The following AMPH variants were observed in gnomAD, a reference collection of about 807,000 sequenced individuals.
AMPH encodes the protein amphiphysin.
A neutral mutation model predicts 99.1 loss-of-function variants in AMPH; 49 were observed. That is an observed-to-expected ratio of 0.49 (90% confidence interval 0.39 to 0.63). The LOEUF is 0.63. Among genes scored for constraint, AMPH ranks in the 20% least tolerant of loss-of-function variants. AMPH has a pLI of 0.00. For synonymous variants in AMPH, 314 were observed against 317.3 expected (o/e 0.99, Z 0.11); for missense variants, 759 against 863.4 (o/e 0.88, Z 1.52).
chr7:38,602,726 C>A (rs1584293524), intron 1 of AMPH, among the ~76,000 whole-genome samples: 1 of 152,306 alleles, frequency 6.6e-6, no homozygotes, highest in Non-Finnish European at 1.5e-5. Context: ...ATGTAGACAT[C>A]TTTGAGAGTA....
chr7:38,427,403 C>G (rs1290714992), intron 14 of AMPH, among the ~76,000 whole-genome samples: 1 of 152,098 alleles, frequency 6.6e-6, no homozygotes, highest in Non-Finnish European at 1.5e-5. Context: ...TTTCAGTGGG[C>G]CTGGGTTGAA....
intron 1 of AMPH, among the ~76,000 whole-genome samples, chr7:38,539,068 T>C (rs1790716132): frequency 6.6e-6 from 1 of 152,198 alleles, no homozygotes; most frequent in African/African-American, 2.4e-5. Context: ...AAAATCATTA[T>C]TTGAAGAACG....
chr7:38,532,707 A>G (rs2129039568), intron 2 of AMPH, among the ~76,000 whole-genome samples: 1 of 151,846 alleles, frequency 6.6e-6, no homozygotes, highest in Non-Finnish European at 1.5e-5. Context: ...TCAACAAAAA[A>G]CAATCCTCAC....
At chr7:38,530,111 C>A (rs3807398) in intron 2 of AMPH, among the ~76,000 whole-genome samples, 10 of 152,272 alleles carry the variant, frequency 6.6e-5, no homozygotes, top group Non-Finnish European at 1.3e-4. Flanking sequence ...GTGATAATTT[C>A]TGCCACTAGT....
intron 5 of AMPH, among the ~76,000 whole-genome samples, chr7:38,480,876 A>T (rs1391027393): frequency 6.6e-6 from 1 of 152,204 alleles, no homozygotes; most frequent in African/African-American, 2.4e-5. Context: ...AGCCTGGGGC[A>T]TTCCTTTAAT....
chr7:38,501,766 C>CAAAT (rs3056240), intron 3 of AMPH, among the ~76,000 whole-genome samples: 7,427 of 148,082 alleles, frequency 0.05, 229 homozygotes, highest in Admixed American at 0.067. Flanking sequence ...AAAAGCATAC[C>CAAAT]AAATAAATAA....
At chr7:38,492,507 T>C (rs932781462) in intron 4 of AMPH, among the ~76,000 whole-genome samples, 1 of 152,236 alleles carries the variant, frequency 6.6e-6, no homozygotes, top group African/African-American at 2.4e-5. Flanking sequence ...AAATTTGCTT[T>C]TGTTTCTTTC....
At chr7:38,491,561 G>A (rs141327627) in intron 4 of AMPH, among the ~76,000 whole-genome samples, 17 of 152,186 alleles carry the variant, frequency 1.1e-4, no homozygotes, top group Admixed American at 6.5e-4. Context: ...GCCTCCCCAG[G>A]GAAAACAGAA....
At chr7:38,430,916 G>C (rs1257520085) in intron 13 of AMPH, among the ~76,000 whole-genome samples, 1 of 152,206 alleles carries the variant, frequency 6.6e-6, no homozygotes, top group African/African-American at 2.4e-5. Flanking sequence ...AAAGAAAGTG[G>C]CAATGTCAAT....
Position 38,475,404 on chromosome 7 carries a change from A to G in AMPH, c.517T>C (p.Phe173Leu), listed in dbSNP as rs747190388. Residue 173 changes from phenylalanine to leucine, a missense_variant, in exon 7 of 21, where the codon TTT (phenylalanine) becomes CTT (leucine). Phe to Leu is a conservative substitution (Grantham distance 22, BLOSUM62 0). Around this residue, in one of 2 missense-constraint regions of AMPH, gnomAD observed 205 missense variants for 287.9 expected, o/e 0.71. Transcript: ENST00000356264. ...ESRISKAEEE[F>L]QKAQKVFEEF... The stretch of plus-strand genomic sequence containing the variant: ...TCAAACACTTTCTGTGCTTTCTGAA[A>G]TTCTTCTTCTGCCTAGGAATGAAAC... The G allele has an allele frequency of 1.9e-6, 3 of 1,612,158 alleles. No individual in the cohort carries two copies. Among genetic ancestry groups the G allele is most frequent in the Non-Finnish European group, 2.5e-6 (3 of 1,178,910 alleles).
intron 2 of AMPH, among the ~76,000 whole-genome samples, chr7:38,522,165 A>C (rs983679161): frequency 6.6e-6 from 1 of 152,178 alleles, no homozygotes; most frequent in African/African-American, 2.4e-5. Context: ...ATGCAACCAA[A>C]CCATACATTT....
At chr7:38,482,074 C>T (rs142437934) in intron 5 of AMPH, among the ~76,000 whole-genome samples, 11 of 152,176 alleles carry the variant, frequency 7.2e-5, no homozygotes, top group Non-Finnish European at 1.5e-4. Flanking sequence ...TTTCCAATTC[C>T]AAATTATCTC....
intron 17 of AMPH, among the ~76,000 whole-genome samples, chr7:38,412,253 A>C (rs1000720911): frequency 9.2e-5 from 14 of 152,350 alleles, no homozygotes; most frequent in Non-Finnish European, 1.2e-4. Flanking sequence ...ACCTCAGAAG[A>C]AAAGTACATG....
intron 13 of AMPH, among the ~76,000 whole-genome samples, chr7:38,431,789 CT>C (rs1228715927): frequency 6.6e-6 from 1 of 151,894 alleles, no homozygotes; most frequent in East Asian, 1.9e-4. Context: ...AATACAATCA[CT>C]TTTTTTTAAA....
Position 38,547,548 on chromosome 7 carries a change from G to T in AMPH, c.70-12537C>A, listed in dbSNP as rs151162219. Among the ~76,000 whole-genome samples the T allele has an allele frequency of 2.0e-4, 30 of 152,308 alleles. No individual in the cohort carries two copies. In the East Asian group the frequency reaches 5.4e-3, roughly 27 times the overall value. ...AAGGATAATTATTAAAAAGTGTTTA[G>T]TAGGATGTGTTCAGCTGTGAACCCA... On this transcript the variant is annotated intron_variant, in intron 1 of 20. Transcript: ENST00000356264.
chr7:38,600,697 C>T (rs780587772), intron 1 of AMPH, among the ~76,000 whole-genome samples: 10 of 152,092 alleles, frequency 6.6e-5, no homozygotes, highest in South Asian at 2.1e-4. Context: ...ATCCTTGCAC[C>T]GAAGAGACAA....
At chr7:38,527,803 C>T (rs947677347) in intron 2 of AMPH, among the ~76,000 whole-genome samples, 1 of 152,130 alleles carries the variant, frequency 6.6e-6, no homozygotes, top group African/African-American at 2.4e-5. Flanking sequence ...GAATGGACAT[C>T]CTTGCCTTGT....
intron 2 of AMPH, among the ~76,000 whole-genome samples, chr7:38,514,415 T>G (rs2129031665): frequency 6.6e-6 from 1 of 152,310 alleles, no homozygotes; most frequent in Middle Eastern, 3.4e-3. Flanking sequence ...AATAAGATGG[T>G]TTTCAACATT....
intron 18 of AMPH, chr7:38,392,714 G>A (rs1209821694): frequency 6.5e-6 from 1 of 152,722 alleles, no homozygotes; most frequent in Non-Finnish European, 1.5e-5. Context: ...TTGTCCCACG[G>A]AACCCTAACT....
Sources: allele counts gnomAD v4.1 joint callset (sites outside exome capture counted in the v4.1 genomes callset), GRCh38; gene constraint gnomAD v4.1.1; regional missense constraint gnomAD v4.1.1; transcripts MANE v1.5; gene names NCBI Gene and HGNC (gene_info 2026-07-23, HGNC 2026-07-21).